Variants in ELMO1 observed in about 807,000 individuals in gnomAD.
The protein encoded by ELMO1 is engulfment and cell motility protein 1.
A neutral mutation model predicts 98.9 loss-of-function variants in ELMO1; 26 were observed. That is an observed-to-expected ratio of 0.26 (90% CI 0.19 to 0.36). ELMO1 has a LOEUF of 0.36. ELMO1 is among the 10% of genes least tolerant of loss of function. ELMO1 has a pLI of 1.00. For missense variants in ELMO1, 627 were observed against 935.2 expected, an observed-to-expected ratio of 0.67 and a Z score of 4.30; for synonymous variants, 346 against 346.0, an observed-to-expected ratio of 1.00 and a Z score of 0.00.
chr7:37,063,684 T>C (rs1238604615), intron 15 of ELMO1, among the ~76,000 whole-genome samples: 1 of 152,110 alleles, frequency 6.6e-6, no homozygotes, highest in East Asian at 1.9e-4. Flanking sequence ...CTTGGCCTCA[T>C]CTCCAATGAC....
chr7:37,176,288 G>A (rs1379335903), intron 13 of ELMO1, among the ~76,000 whole-genome samples: 2 of 152,188 alleles, frequency 1.3e-5, no homozygotes, highest in Non-Finnish European at 1.5e-5. Flanking sequence ...GAAAAGGACT[G>A]CTTCCTTATT....
chr7:37,419,342 T>C (rs920983128), intron 1 of ELMO1, among the ~76,000 whole-genome samples: 1 of 152,216 alleles, frequency 6.6e-6, no homozygotes, highest in African/African-American at 2.4e-5. Flanking sequence ...AGGAAGAAGA[T>C]GGAGATGCTA....
At chr7:37,336,293 A>C (rs73112669) in intron 2 of ELMO1, among the ~76,000 whole-genome samples, 2,678 of 152,282 alleles carry the variant, frequency 0.018, 35 homozygotes, top group Non-Finnish European at 0.029. Flanking sequence ...AAAGTTGGTA[A>C]TACCTGTGAG....
chr7:36,869,641 T>C (rs1803343481), intron 20 of ELMO1, among the ~76,000 whole-genome samples: 1 of 152,166 alleles, frequency 6.6e-6, no homozygotes. Flanking sequence ...CTAAGAGGCA[T>C]AAACAAAGCA....
chr7:37,416,166 T>C (rs1481424758), intron 1 of ELMO1, among the ~76,000 whole-genome samples: 2 of 152,212 alleles, frequency 1.3e-5, no homozygotes, highest in African/African-American at 2.4e-5. Context: ...GGCTTTCAAA[T>C]TGTTGCACTT....
intron 1 of ELMO1, among the ~76,000 whole-genome samples, chr7:37,401,439 G>A (rs11765537): frequency 0.23 from 34,737 of 152,054 alleles, 4,197 homozygotes; most frequent in East Asian, 0.43. Context: ...GAAGCACTTT[G>A]TAAGAGCCTC....
intron 16 of ELMO1, among the ~76,000 whole-genome samples, chr7:36,906,000 C>T (rs1242770704): frequency 6.6e-6 from 1 of 152,180 alleles, no homozygotes; most frequent in East Asian, 1.9e-4. Context: ...GAAAACCTGC[C>T]CCTCTGGAAA....
At chr7:36,953,417 C>T (rs1788159278) in intron 16 of ELMO1, among the ~76,000 whole-genome samples, 2 of 152,064 alleles carry the variant, frequency 1.3e-5, no homozygotes, top group Admixed American at 1.3e-4. Context: ...GTTTATTACG[C>T]AAGTATGTTA....
At position 37,064,266 on chromosome 7, in the gene ELMO1, C is replaced by G. The variant is rs79393704; in HGVS notation, c.1300+32353G>C. 9.0e-3 allele frequency among the ~76,000 whole-genome samples: 1,365 copies of G among 152,280 alleles called. 6 individuals are homozygous for G. Among genetic ancestry groups the G allele is most frequent in the Middle Eastern group, 0.014 (4 of 294 alleles). Reference sequence around the variant, plus strand: ...TCTTTAAACCTTGCTCATTGACTCCCCTCATGCTAGGAGGGTGATGCTGCA... The same window carrying G: ...TCTTTAAACCTTGCTCATTGACTCCGCTCATGCTAGGAGGGTGATGCTGCA... On this transcript the variant is annotated intron_variant, in intron 15 of 21. Coordinates refer to ENST00000310758, the MANE Select transcript of ELMO1 (RefSeq NM_014800.11).
intron 16 of ELMO1, among the ~76,000 whole-genome samples, chr7:36,925,801 C>T (rs1187728602): frequency 6.6e-6 from 1 of 152,226 alleles, no homozygotes; most frequent in Non-Finnish European, 1.5e-5. Context: ...TTTCTTCCAA[C>T]AAATGTCTGT....
chr7:36,982,946 G>A (rs911423447), intron 16 of ELMO1, among the ~76,000 whole-genome samples: 33 of 152,148 alleles, frequency 2.2e-4, no homozygotes, highest in Admixed American at 1.8e-3. Context: ...TTCTATTTCT[G>A]AGCTGGGCCC....
intron 15 of ELMO1, among the ~76,000 whole-genome samples, chr7:37,039,737 A>G (rs1339482336): frequency 6.6e-6 from 1 of 152,336 alleles, no homozygotes; most frequent in African/African-American, 2.4e-5. Context: ...GCTATCGACA[A>G]TAAATACTTA....
rs139255868 is a variant in ELMO1, at chr7:37,257,696, T to G, written c.413+1485A>C. On this transcript the variant is annotated intron_variant, in intron 6 of 21. Coordinates refer to ENST00000310758, the MANE Select transcript of ELMO1 (RefSeq NM_014800.11). ...GCCTGGCCAACGTGGTGAAACCCCA[T>G]CTCTACTAAAAATACAAAAATCAGG... Among the ~76,000 whole-genome samples the G allele has an allele frequency of 9.9e-3, 1,481 of 150,128 alleles. 26 individuals are homozygous for G. Among genetic ancestry groups the G allele is most frequent in the African/African-American group, 0.035 (1,418 of 40,548 alleles).
At chr7:37,167,720 A>G (rs1789820657) in intron 13 of ELMO1, among the ~76,000 whole-genome samples, 1 of 152,188 alleles carries the variant, frequency 6.6e-6, no homozygotes, top group South Asian at 2.1e-4. Flanking sequence ...TGTTAGTCTG[A>G]TGGGCTTCCC....
At position 36,945,252 on chromosome 7, in the gene ELMO1, T is replaced by C. The variant is rs888854232; in HGVS notation, c.1438-50235A>G. On this transcript the variant is annotated intron_variant, in intron 16 of 21. Transcript: ENST00000310758. ...TATAAAATAAGTTTTTAAGTTACTA[T>C]TGCTATCTTAGGTACCTTCTAGAAT... Among the ~76,000 whole-genome samples the C allele has an allele frequency of 5.3e-5, 8 of 152,246 alleles. 1 individual carries two copies. Among genetic ancestry groups the C allele is most frequent in the Non-Finnish European group, 1.2e-4 (8 of 68,046 alleles).
intron 2 of ELMO1, among the ~76,000 whole-genome samples, chr7:37,339,397 T>C (rs1456203299): frequency 1.3e-5 from 2 of 152,204 alleles, no homozygotes; most frequent in Non-Finnish European, 2.9e-5. Context: ...CACCCAAAAT[T>C]TTGGGAGACA....
chr7:37,166,827 G>C (rs1322843493), intron 13 of ELMO1, among the ~76,000 whole-genome samples: 4 of 152,284 alleles, frequency 2.6e-5, no homozygotes, highest in Middle Eastern at 3.4e-3. Flanking sequence ...GATTTGGGGA[G>C]GAGAGTTCTG....
chr7:37,323,048 G>C lies in ELMO1; in HGVS notation c.79-7088C>G, dbSNP rs181353315. On this transcript the variant is annotated intron_variant, in intron 2 of 21. Coordinates refer to ENST00000310758, the MANE Select transcript of ELMO1 (RefSeq NM_014800.11). ...TGCGGGGATCAAGGCCCATAAGCAC[G>C]GAGGCCATGACCCCACATTCTTTTC... Among the ~76,000 whole-genome samples the C allele has an allele frequency of 9.9e-4, 150 of 152,222 alleles. 4 individuals carry two copies. The South Asian group carries it at 0.016, about 16-fold the overall frequency.
chr7:36,855,643 G>A lies in ELMO1; in HGVS notation c.2092C>T (p.Leu698Phe). The change falls in exon 22 of 22, where the codon CTC becomes TTC. Residue 698 changes from leucine to phenylalanine, a missense_variant. By Grantham distance (22) the Leu-to-Phe change is conservative. This residue lies in a region of ELMO1 where 492 missense variants were observed against 715.6 expected (regional missense o/e 0.69). Transcript: ENST00000310758. The surrounding 1 kb of genome is among the most constrained non-coding windows in gnomAD (Gnocchi z 4.2). ...ATCTGGATGTTTTCCAGGTCCAGGA[G>A]GCGGAGCTTGATTTCCATGCTGAGC... Reference protein sequence around the residue: ...TLLSMEIKLRLLDLENIQIPD... With the variant: ...TLLSMEIKLRFLDLENIQIPD... 2 of 1,614,150 alleles carry A rather than the reference G, an allele frequency of 1.2e-6. No homozygotes were observed. Among genetic ancestry groups the A allele is most frequent in the Non-Finnish European group, 1.7e-6 (2 of 1,180,010 alleles).
Sources: allele counts gnomAD v4.1 joint callset (sites outside exome capture counted in the v4.1 genomes callset), GRCh38; gene constraint gnomAD v4.1.1; regional missense constraint gnomAD v4.1.1; non-coding constraint Gnocchi (gnomAD v3.1); transcripts MANE v1.5; gene names NCBI Gene and HGNC (gene_info 2026-07-23, HGNC 2026-07-21).